MEI4: variants seen among roughly 807,000 people sequenced by gnomAD.
MEI4 encodes the protein meiosis-specific protein MEI4.
MEI4 carries 27 observed loss-of-function variants against 31.4 expected under a neutral mutation model. The observed-to-expected ratio is 0.86, with a 90% CI of 0.63 to 1.19. MEI4 has a LOEUF of 1.19. Among genes scored for constraint, MEI4 ranks in the 50% most tolerant of loss-of-function variants. MEI4 has a pLI of 0.00. For synonymous variants in MEI4, 122 were observed against 145.4 expected, an observed-to-expected ratio of 0.84 and a Z score of 1.16; for missense variants, 329 against 398.9, an observed-to-expected ratio of 0.82 and a Z score of 1.49.
intron 4 of MEI4, among the ~76,000 whole-genome samples, chr6:77,865,506 A>G (rs539250897): frequency 1.8e-3 from 277 of 152,322 alleles, no homozygotes; most frequent in Non-Finnish European, 2.8e-3. Flanking sequence ...CTCGACAAAT[A>G]CACTCTCCCA....
At chr6:77,750,949 C>T (rs1368506853) in intron 2 of MEI4, among the ~76,000 whole-genome samples, 2 of 152,230 alleles carry the variant, frequency 1.3e-5, no homozygotes, top group East Asian at 3.9e-4. Context: ...AATTAGAACT[C>T]AGGATTAAGA....
chr6:77,666,191 C>T (rs1370458980), intron 1 of MEI4, among the ~76,000 whole-genome samples: 1 of 151,770 alleles, frequency 6.6e-6, no homozygotes, highest in Non-Finnish European at 1.5e-5. Context: ...GGGGGTGGGT[C>T]TCACAAAGTA....
intron 4 of MEI4, among the ~76,000 whole-genome samples, chr6:77,873,412 G>A (rs1329844517): frequency 1.3e-5 from 2 of 152,178 alleles, no homozygotes; most frequent in African/African-American, 2.4e-5. Context: ...CTTTTGAGAA[G>A]TGTCTGTTCA....
At chr6:77,712,778 T>A (rs1010413508) in intron 2 of MEI4, among the ~76,000 whole-genome samples, 1 of 152,046 alleles carries the variant, frequency 6.6e-6, no homozygotes, top group African/African-American at 2.4e-5. Context: ...GAGACCATCC[T>A]AGCTAACATG....
At chr6:77,867,542 G>A (rs1771072557) in intron 4 of MEI4, among the ~76,000 whole-genome samples, 4 of 152,166 alleles carry the variant, frequency 2.6e-5, no homozygotes, top group Admixed American at 1.3e-4. Context: ...AGTTAGAATG[G>A]CAATCATTAA....
intron 1 of MEI4, among the ~76,000 whole-genome samples, chr6:77,665,846 G>A (rs1295802110): frequency 1.3e-5 from 2 of 152,146 alleles, no homozygotes; most frequent in African/African-American, 2.4e-5. Flanking sequence ...AGAAGAGGTC[G>A]CTTACCTGAT....
intron 3 of MEI4, among the ~76,000 whole-genome samples, chr6:77,766,723 C>T (rs564840470): frequency 6.6e-6 from 1 of 152,222 alleles, no homozygotes; most frequent in South Asian, 2.1e-4. Flanking sequence ...TGATTTTGAC[C>T]ATGCCAGGTC....
chr6:77,921,864 TCAAAA>T (rs1357699261), intron 4 of MEI4, among the ~76,000 whole-genome samples: 1 of 151,734 alleles, frequency 6.6e-6, no homozygotes, highest in Admixed American at 6.6e-5. Context: ...TTGTGGTATC[TCAAAA>T]CAAAGTAGTA....
intron 2 of MEI4, among the ~76,000 whole-genome samples, chr6:77,749,074 C>T (rs539945533): frequency 2.1e-4 from 32 of 152,258 alleles, no homozygotes; most frequent in African/African-American, 7.7e-4. Flanking sequence ...ATAGTATCAA[C>T]ATCAAATAAA....
intron 1 of MEI4, among the ~76,000 whole-genome samples, chr6:77,662,114 GA>G (rs1303713187): frequency 3.9e-5 from 6 of 152,184 alleles, no homozygotes; most frequent in Non-Finnish European, 8.8e-5. Context: ...GGCACATTTA[GA>G]ATCAGTATAG....
At chr6:77,912,637 T>C (rs1158980210) in intron 4 of MEI4, among the ~76,000 whole-genome samples, 1 of 152,096 alleles carries the variant, frequency 6.6e-6, no homozygotes, top group Non-Finnish European at 1.5e-5. Flanking sequence ...GTCTAGAAAT[T>C]CTACAGGGAT....
At chr6:77,812,367 A>G (rs1769593336) in intron 3 of MEI4, among the ~76,000 whole-genome samples, 1 of 152,190 alleles carries the variant, frequency 6.6e-6, no homozygotes, top group South Asian at 2.1e-4. Flanking sequence ...CTAAATATTT[A>G]AATATATAAC....
intron 1 of MEI4, among the ~76,000 whole-genome samples, chr6:77,661,679 G>A (rs551013182): frequency 2.6e-5 from 4 of 152,258 alleles, no homozygotes; most frequent in African/African-American, 7.2e-5. Flanking sequence ...ACGGGCTAGC[G>A]GCTTGTAACC....
chr6:77,920,847 G>A (rs547080376), intron 4 of MEI4, among the ~76,000 whole-genome samples: 1 of 151,968 alleles, frequency 6.6e-6, no homozygotes, highest in East Asian at 1.9e-4. Context: ...CTTTTCTTCT[G>A]AGCTGTAAGT....
intron 3 of MEI4, among the ~76,000 whole-genome samples, chr6:77,817,860 C>T (rs1286543108): frequency 6.6e-6 from 1 of 152,022 alleles, no homozygotes; most frequent in Non-Finnish European, 1.5e-5. Flanking sequence ...TTTCCTGTGG[C>T]CTCTCATATT....
chr6:77,904,468 C>G (rs779286876), intron 4 of MEI4, among the ~76,000 whole-genome samples: 18 of 152,094 alleles, frequency 1.2e-4, no homozygotes, highest in Admixed American at 2.6e-4. Context: ...TCCCACCCCC[C>G]ACTCTCAAGT....
chr6:77,812,805 A>G (rs2127705423), intron 3 of MEI4, among the ~76,000 whole-genome samples: 1 of 152,234 alleles, frequency 6.6e-6, no homozygotes, highest in Admixed American at 6.5e-5. Flanking sequence ...ACCCCAAAAG[A>G]CCACCAGAAA....
chr6:77,804,423 T>G (rs6918963), intron 3 of MEI4, among the ~76,000 whole-genome samples: 83,591 of 152,030 alleles, frequency 0.55, 25,180 homozygotes, highest in African/African-American at 0.79. Context: ...ATGCCTCGCT[T>G]TGCTTTGGCT....
At chr6:77,748,899 T>A (rs796174788) in intron 2 of MEI4, among the ~76,000 whole-genome samples, 10 of 152,250 alleles carry the variant, frequency 6.6e-5, no homozygotes, top group African/African-American at 2.2e-4. Flanking sequence ...CAGATGCCCC[T>A]CTGGGATGAA....
Sources: gnomAD v4.1 joint callset for allele counts (sites outside exome capture counted in the v4.1 genomes callset) on GRCh38, gnomAD v4.1.1 for gene constraint, MANE v1.5 for transcripts, NCBI Gene and HGNC (gene_info 2026-07-23, HGNC 2026-07-21) for gene names.